The following RAB44 variants were observed in gnomAD, a reference collection of about 807,000 sequenced individuals.
The protein encoded by RAB44 is RAB44, member RAS oncogene family, also known as ras-related protein Rab-44.
Under a neutral mutation model 93.3 loss-of-function variants are expected in RAB44, and 67 were observed. The observed-to-expected ratio is 0.72, with a 90% CI of 0.59 to 0.88. The LOEUF is 0.88. Ranked by LOEUF, RAB44 falls within the 40% of genes least tolerant of loss-of-function variation. RAB44 has a pLI of 0.00. For missense variants in RAB44, 1,064 were observed against 1,261.7 expected, an observed-to-expected ratio of 0.84 and a Z score of 2.37; for synonymous variants, 427 against 520.3, an observed-to-expected ratio of 0.82 and a Z score of 2.44.
intron 2 of RAB44, among the ~76,000 whole-genome samples, chr6:36,706,730 AT>A (rs76091211): frequency 3.2e-3 from 464 of 145,662 alleles, no homozygotes; most frequent in African/African-American, 4.0e-3. Flanking sequence ...TGTAAAAGTA[AT>A]TTTTTTTTTT....
intron 7 of RAB44, among the ~76,000 whole-genome samples, chr6:36,719,587 G>T (rs76563937): frequency 6.6e-6 from 1 of 152,218 alleles, no homozygotes; most frequent in South Asian, 2.1e-4. Flanking sequence ...ATAGGAAATG[G>T]TGATCAGTGC....
intron 10 of RAB44, 36 bp downstream of exon 10, chr6:36,725,979 A>C: frequency 6.6e-7 from 1 of 1,505,282 alleles, no homozygotes; most frequent in African/African-American, 1.4e-5. Flanking sequence ...TCAGGAACCT[A>C]GGCTGAGCGT....
Position 36,718,129 on chromosome 6 carries a change from G to T in RAB44, c.732+11G>T, listed in dbSNP as rs1762972308. The T allele has an allele frequency of 1.6e-6, 2 of 1,231,306 alleles. No individual in the cohort carries two copies. Among genetic ancestry groups the T allele is most frequent in the Non-Finnish European group, 1.0e-6 (1 of 987,172 alleles). The allele number at this position is 1,231,306 out of a possible 1,614,324, so 76.3% of individuals were successfully genotyped here. ...CAGCTGCAGGCTGAGGTGGGCTCCCGCCGGCAGCCTGCCTCCTTCCCACTG... is the reference window on the plus strand; with the variant it reads ...CAGCTGCAGGCTGAGGTGGGCTCCCTCCGGCAGCCTGCCTCCTTCCCACTG... On this transcript the variant is annotated intron_variant, in intron 6 of 13. Coordinates refer to ENST00000612677, the MANE Select transcript of RAB44 (RefSeq NM_001257357.2).
intron 3 of RAB44, 119 bp downstream of exon 3, chr6:36,714,058 C>G (rs762522846): frequency 2.0e-4 from 134 of 673,050 alleles, no homozygotes; most frequent in Non-Finnish European, 5.7e-5. Flanking sequence ...CACCCCCCAT[C>G]CCCGGCTGCC....
chr6:36,721,115 C>T (rs780858786), intron 8 of RAB44, 36 bp from the exon 9 acceptor site: 22 of 1,233,982 alleles, frequency 1.8e-5, no homozygotes, highest in Admixed American at 4.2e-5. Context: ...ACCTACCTGC[C>T]CCTCCCCGAT....
chr6:36,711,760 G>A (rs868494041), intron 2 of RAB44, among the ~76,000 whole-genome samples: 21 of 152,032 alleles, frequency 1.4e-4, no homozygotes, highest in African/African-American at 4.6e-4. Flanking sequence ...AAGACCTTTC[G>A]GGCGTGGTGG....
At chr6:36,700,199 G>A (rs997724844) in intron 1 of RAB44, among the ~76,000 whole-genome samples, 2 of 152,178 alleles carry the variant, frequency 1.3e-5, no homozygotes, top group Admixed American at 6.5e-5. Flanking sequence ...CAGCATCCCC[G>A]TGGGAGAGAT....
chr6:36,707,155 A>G (rs778765556), intron 2 of RAB44, among the ~76,000 whole-genome samples: 2 of 152,104 alleles, frequency 1.3e-5, no homozygotes, highest in Non-Finnish European at 2.9e-5. Context: ...CCCCGTCTCT[A>G]CTAAAAATAC....
At chr6:36,712,362 G>A (rs1217003174) in intron 2 of RAB44, among the ~76,000 whole-genome samples, 1 of 151,906 alleles carries the variant, frequency 6.6e-6, no homozygotes, top group Non-Finnish European at 1.5e-5. Flanking sequence ...AGTCCCAGTG[G>A]ATATGAAATT....
chr6:36,725,090 C>T (rs1051083422), intron 9 of RAB44, among the ~76,000 whole-genome samples: 3 of 152,218 alleles, frequency 2.0e-5, no homozygotes, highest in Non-Finnish European at 4.4e-5. Flanking sequence ...TTAAGGCCAC[C>T]TACCTTAAAA....
Position 36,721,700 on chromosome 6 carries a change from C to T in RAB44, c.1566C>T (p.Ile522=), listed in dbSNP as rs767062518. The T allele has an allele frequency of 8.9e-6, 11 of 1,234,350 alleles. No homozygotes were observed. The highest frequency in any genetic ancestry group is 1.6e-5 in the African/African-American group (1 of 64,470). The allele number at this position is 1,234,350 out of a possible 1,614,324, so 76.5% of individuals were successfully genotyped here. A position where few individuals can be genotyped will look rare whatever the true frequency, so the allele number is the denominator to read the frequency against. ...PQAPAGSSKQ[I]QASDPDDKGP... ...CCCCAGCTGGGTCCAGCAAACAGAT[C>T]CAGGCCTCAGACCCAGATGACAAGG... The change falls in exon 9 of 14, where the codon ATC becomes ATT. Residue 522 remains isoleucine, a synonymous_variant. Transcript: ENST00000612677.
intron 8 of RAB44, 41 bp downstream of exon 8, chr6:36,720,591 G>C: frequency 8.2e-7 from 1 of 1,223,044 alleles, no homozygotes; most frequent in African/African-American, 1.6e-5. Context: ...GACTCTAAGG[G>C]CCTCCTGGAA....
At chr6:36,705,125 A>G (rs932710897) in intron 2 of RAB44, among the ~76,000 whole-genome samples, 4 of 150,506 alleles carry the variant, frequency 2.7e-5, no homozygotes, top group South Asian at 4.2e-4. Flanking sequence ...AAAAAAAAAA[A>G]AAGAAGAATG....
Position 36,704,233 on chromosome 6 carries a change from A to C in RAB44, c.-3A>C. ...ACTCCTCTGTCCCCAGGGCCAACGC[A>C]CCATGGAGACTGGACAGAGAACATC... On this transcript the variant is annotated 5_prime_UTR_variant, in exon 2 of 14. Transcript: ENST00000612677. 1 of 1,535,942 alleles carries C rather than the reference A, an allele frequency of 6.5e-7. No homozygotes were observed. Among genetic ancestry groups the C allele is most frequent in the Non-Finnish European group, 8.7e-7 (1 of 1,146,740 alleles).
chr6:36,721,556 C>T lies in RAB44; in HGVS notation c.1422C>T (p.Ser474=). 1 of 1,234,542 alleles carries T rather than the reference C, an allele frequency of 8.1e-7. No individual in the cohort carries two copies. The highest frequency in any genetic ancestry group is 3.2e-5 in the East Asian group (1 of 31,704). The allele number at this position is 1,234,542 out of a possible 1,614,324, so 76.5% of individuals were successfully genotyped here. A position where few individuals can be genotyped will look rare whatever the true frequency, so the allele number is the denominator to read the frequency against. The stretch of plus-strand genomic sequence containing the variant: ...CGGACCCCAACCAGGAGCCAGGGTC[C>T]ACACCCGAGGGCCGCCTCCTCTGGG... ...HDPDPNQEPG[S]TPEGRLLWGL... Residue 474 remains serine (S), a synonymous_variant, in exon 9 of 14, where the codon TCC becomes TCT. Transcript: ENST00000612677.
chr6:36,729,042 G>C (rs2150342500), intron 12 of RAB44, among the ~76,000 whole-genome samples: 2 of 152,264 alleles, frequency 1.3e-5, no homozygotes, highest in South Asian at 4.2e-4. Flanking sequence ...TGGCGGGCGT[G>C]ACACTGAACC....
intron 12 of RAB44, among the ~76,000 whole-genome samples, chr6:36,729,281 T>C (rs1315702807): frequency 6.6e-6 from 1 of 152,192 alleles, no homozygotes; most frequent in East Asian, 1.9e-4. Flanking sequence ...CACTATCTAT[T>C]CATGAATGGC....
chr6:36,715,762 G>A (rs1194592493), intron 4 of RAB44, 109 bp downstream of exon 4: 1 of 1,180,436 alleles, frequency 8.5e-7, no homozygotes, highest in Non-Finnish European at 1.2e-6. Flanking sequence ...GTAGAGCCAA[G>A]TGCAAATTCT....
chr6:36,720,922 G>A (rs1250525146), intron 8 of RAB44, among the ~76,000 whole-genome samples: 2 of 152,202 alleles, frequency 1.3e-5, no homozygotes, highest in African/African-American at 4.8e-5. Flanking sequence ...GAATGATCAA[G>A]GAAGGCTTCC....
Sources: allele counts gnomAD v4.1 joint callset (sites outside exome capture counted in the v4.1 genomes callset), GRCh38; gene constraint gnomAD v4.1.1; transcripts MANE v1.5; gene names NCBI Gene and HGNC (gene_info 2026-07-23, HGNC 2026-07-21).